The following CSMD1 variants were observed in gnomAD, a reference collection of about 807,000 sequenced individuals.
CSMD1 encodes the protein CUB and sushi domain-containing protein 1.
A neutral mutation model predicts 417.5 loss-of-function variants in CSMD1; 213 were observed. The observed-to-expected ratio is 0.51, with a 90% confidence interval of 0.46 to 0.57. CSMD1 has a LOEUF of 0.57. Ranked by LOEUF, CSMD1 falls within the 20% of genes least tolerant of loss-of-function variation. The pLI is 0.00. For missense variants in CSMD1, 6,923 were observed against 4,529.7 expected, an observed-to-expected ratio of 1.53 and a Z score of -15.17; for synonymous variants, 2,862 against 1,736.8, an observed-to-expected ratio of 1.65 and a Z score of -16.11.
At chr8:4,112,654 A>C (rs1407299023) in intron 3 of CSMD1, among the ~76,000 whole-genome samples, 1 of 152,168 alleles carries the variant, frequency 6.6e-6, no homozygotes, top group Admixed American at 6.5e-5. Context: ...TCCTGCCCCA[A>C]ATCCCACAAA....
intron 2 of CSMD1, among the ~76,000 whole-genome samples, chr8:4,559,707 G>A (rs900399494): frequency 1.3e-5 from 2 of 152,224 alleles, no homozygotes; most frequent in South Asian, 4.1e-4. Flanking sequence ...CAGCAAAGAT[G>A]CTGCGTAGCA....
At chr8:3,896,204 A>T (rs1478781539) in intron 5 of CSMD1, among the ~76,000 whole-genome samples, 1 of 152,170 alleles carries the variant, frequency 6.6e-6, no homozygotes, top group Non-Finnish European at 1.5e-5. Context: ...TGTGACAAAC[A>T]TCTTCCAATT....
At chr8:3,420,214 G>T (rs895734193) in intron 12 of CSMD1, among the ~76,000 whole-genome samples, 1 of 151,990 alleles carries the variant, frequency 6.6e-6, no homozygotes, top group African/African-American at 2.4e-5. Flanking sequence ...GATATTCCTG[G>T]AAAACGTATA....
chr8:3,360,244 T>C lies in CSMD1; in HGVS notation c.3116-904A>G, dbSNP rs552554442. On this transcript the variant is annotated intron_variant, in intron 20 of 69. Transcript: ENST00000635120. ...CCATTCAAGAAGGAAGTGCTAAATA[T>C]AAATTAAAAAATAAATGTCTGATAT... Among the ~76,000 whole-genome samples, 35 of 152,326 alleles carry C rather than the reference T, an allele frequency of 2.3e-4. 2 individuals are homozygous for C. The South Asian group carries it at 7.2e-3, about 32-fold the overall frequency.
chr8:4,712,647 T>C (rs1184730611), intron 1 of CSMD1, among the ~76,000 whole-genome samples: 1 of 152,242 alleles, frequency 6.6e-6, no homozygotes, highest in African/African-American at 2.4e-5. Flanking sequence ...AGCATCTTTT[T>C]CCTCTAATTG....
At chr8:4,380,616 C>G (rs1049983551) in intron 3 of CSMD1, among the ~76,000 whole-genome samples, 1 of 152,104 alleles carries the variant, frequency 6.6e-6, no homozygotes, top group Admixed American at 6.5e-5. Context: ...ACATTCAATG[C>G]GGTACGGACT....
intron 1 of CSMD1, among the ~76,000 whole-genome samples, chr8:4,905,726 A>G (rs1000690901): frequency 1.3e-5 from 2 of 148,284 alleles, no homozygotes; most frequent in South Asian, 2.2e-4. Context: ...AGGCTGAGGC[A>G]GGAGAATGGC....
chr8:3,684,618 G>A (rs923277029), intron 7 of CSMD1, among the ~76,000 whole-genome samples: 2 of 110,240 alleles, frequency 1.8e-5, no homozygotes, highest in Non-Finnish European at 3.6e-5. Flanking sequence ...TTTTTTTTTA[G>A]ACGGAGTCTC....
intron 4 of CSMD1, among the ~76,000 whole-genome samples, chr8:4,014,787 C>A (rs1279792318): frequency 6.6e-6 from 1 of 152,128 alleles, no homozygotes; most frequent in Non-Finnish European, 1.5e-5. Context: ...TTCATTCTGG[C>A]ACTAGACACA....
intron 1 of CSMD1, among the ~76,000 whole-genome samples, chr8:4,865,599 C>T (rs889497478): frequency 3.9e-5 from 6 of 151,952 alleles, no homozygotes; most frequent in Admixed American, 2.0e-4. Context: ...CTGTTGCATA[C>T]GCCTTTTCAG....
Position 3,492,823 on chromosome 8 carries a change from C to A in CSMD1, c.1448+800G>T, listed in dbSNP as rs969729156. Among the ~76,000 whole-genome samples the A allele has an allele frequency of 1.8e-4, 28 of 151,558 alleles. 1 individual carries two copies. Among genetic ancestry groups the A allele is most frequent in the African/African-American group, 4.4e-4 (18 of 41,188 alleles). On this transcript the variant is annotated intron_variant, in intron 11 of 69. Coordinates refer to ENST00000635120, the MANE Select transcript of CSMD1 (RefSeq NM_033225.6). Reference sequence around the variant, plus strand: ...GTTCTTCAAAGGTACACTGAGTCACCCCCAACACTTTTCCCCCCCATGTCT... The same window carrying A: ...GTTCTTCAAAGGTACACTGAGTCACACCCAACACTTTTCCCCCCCATGTCT...
intron 3 of CSMD1, among the ~76,000 whole-genome samples, chr8:4,383,541 G>C (rs1384193963): frequency 6.6e-6 from 1 of 152,064 alleles, no homozygotes; most frequent in East Asian, 1.9e-4. Flanking sequence ...ACAGGTTGTG[G>C]TACCAGAAGC....
At chr8:4,081,645 T>C (rs191043728) in intron 3 of CSMD1, among the ~76,000 whole-genome samples, 1 of 152,272 alleles carries the variant, frequency 6.6e-6, no homozygotes, top group African/African-American at 2.4e-5. Flanking sequence ...TGGACTAAAA[T>C]AGATACTATG....
At chr8:4,461,374 G>C (rs765635425) in intron 2 of CSMD1, among the ~76,000 whole-genome samples, 1 of 150,940 alleles carries the variant, frequency 6.6e-6, no homozygotes, top group Non-Finnish European at 1.5e-5. Context: ...CAGTGATGCA[G>C]GAAATTTAAA....
At chr8:2,999,857 T>C in intron 53 of CSMD1, 101 bp downstream of exon 53, 2 of 1,039,884 alleles carry the variant, frequency 1.9e-6, no homozygotes, top group Non-Finnish European at 2.7e-6. Context: ...GCTGTTCCCT[T>C]TTACAGTGAA....
chr8:3,245,195 C>G (rs965889026), intron 26 of CSMD1, among the ~76,000 whole-genome samples: 2 of 152,162 alleles, frequency 1.3e-5, no homozygotes, highest in Non-Finnish European at 2.9e-5. Context: ...TTCTGAGTTG[C>G]TCAAATCAAA....
intron 1 of CSMD1, among the ~76,000 whole-genome samples, chr8:4,710,427 A>G (rs1808212815): frequency 6.8e-6 from 1 of 147,660 alleles, no homozygotes; most frequent in African/African-American, 2.5e-5. Context: ...TATATTTAAT[A>G]CAATATAAAC....
chr8:4,166,670 G>C (rs939578315), intron 3 of CSMD1, among the ~76,000 whole-genome samples: 2 of 152,100 alleles, frequency 1.3e-5, no homozygotes, highest in Admixed American at 1.3e-4. Context: ...CTGCTGGGGT[G>C]ATGGGTGCAC....
At chr8:3,999,684 A>T (rs1585107897) in intron 4 of CSMD1, among the ~76,000 whole-genome samples, 1 of 152,154 alleles carries the variant, frequency 6.6e-6, no homozygotes, top group Non-Finnish European at 1.5e-5. Context: ...CACACTAGGC[A>T]TTCTCATGCT....
Sources: allele counts gnomAD v4.1 joint callset (sites outside exome capture counted in the v4.1 genomes callset), GRCh38; gene constraint gnomAD v4.1.1; transcripts MANE v1.5; gene names NCBI Gene and HGNC (gene_info 2026-07-23, HGNC 2026-07-21).